COPS2: variants seen among roughly 807,000 people sequenced by gnomAD.
COPS2 encodes the protein COP9 signalosome subunit 2.
A neutral mutation model predicts 66.1 loss-of-function variants in COPS2; 10 were observed. That is an observed-to-expected ratio of 0.15 (90% confidence interval 0.09 to 0.26). COPS2 has a LOEUF of 0.26. COPS2 is among the 10% of genes least tolerant of loss of function. The probability of loss-of-function intolerance (pLI) is 1.00; values close to 1 mark genes in which losing one functional copy is unlikely to be tolerated. For missense variants in COPS2, 215 were observed against 513.3 expected, an observed-to-expected ratio of 0.42 and a Z score of 5.62; for synonymous variants, 179 against 171.3, an observed-to-expected ratio of 1.04 and a Z score of -0.35.
intron 6 of COPS2, among the ~76,000 whole-genome samples, chr15:49,136,579 C>T (rs867054253): frequency 6.6e-6 from 1 of 152,094 alleles, no homozygotes; most frequent in East Asian, 1.9e-4. Context: ...CTTTATTACA[C>T]GTTTGTAATA....
rs201706108 is a variant in COPS2, at chr15:49,155,484, G to A, written c.54+41C>T. 1.9e-6 allele frequency: 3 copies of A among 1,606,004 alleles called. No individual in the cohort carries two copies. In the South Asian group the frequency reaches 3.3e-5, roughly 18 times the overall value. On this transcript the variant is annotated intron_variant, in intron 1 of 12. Transcript: ENST00000388901. ...GCCCCGGCCCGGACCCCGAAAACAA[G>A]ACACATCACCACCCTCAGAGTTCCA...
At position 49,129,537 on chromosome 15, in the gene COPS2, T is replaced by G. The variant is rs566731732; in HGVS notation, c.1068A>C (p.Thr356=). The change falls in exon 11 of 13, where the codon ACA becomes ACC. Residue 356 remains threonine, a synonymous_variant. Coordinates refer to ENST00000388901, the MANE Select transcript of COPS2 (RefSeq NM_004236.4). ...HIEELLRNIR[T]QVLIKLIKPY... The stretch of plus-strand genomic sequence containing the variant: ...GCTTAATTAATTTTATAAGCACTTG[T>G]GTTCTGATGTTTCGCAAAAGCTCTG... The G allele has an allele frequency of 6.6e-6, 10 of 1,510,158 alleles. No individual in the cohort carries two copies. The East Asian group carries it at 2.2e-4, about 34-fold the overall frequency. 93.5% of individuals were successfully genotyped at this position (1,510,158 alleles called of 1,614,324 possible).
chr15:49,148,966 A>G (rs1021848519), intron 1 of COPS2, among the ~76,000 whole-genome samples: 2 of 152,210 alleles, frequency 1.3e-5, no homozygotes, highest in East Asian at 1.9e-4. Flanking sequence ...GTTACGTCAA[A>G]TGAAAAAGAG....
intron 9 of COPS2, among the ~76,000 whole-genome samples, chr15:49,132,571 CAAA>C (rs748471326): frequency 4.5e-4 from 27 of 59,890 alleles, no homozygotes; most frequent in Middle Eastern, 0.01. Flanking sequence ...CATATATCTG[CAAA>C]AAAAAAAAAA....
chr15:49,124,494 A>T lies in COPS2; in HGVS notation c.*3456T>A, dbSNP rs2084149481. On this transcript the variant is annotated 3_prime_UTR_variant, in exon 13 of 13. Coordinates refer to ENST00000388901, the MANE Select transcript of COPS2 (RefSeq NM_004236.4). Reference sequence around the variant, plus strand: ...CTAAAAGAAAACCTCCAGAAAAAGAAAAAAAGAGGAAAATTTTAATTGTGG... The same window carrying T: ...CTAAAAGAAAACCTCCAGAAAAAGATAAAAAGAGGAAAATTTTAATTGTGG... The T allele has an allele frequency of 6.6e-6, 1 of 152,172 alleles. No homozygotes were observed. The highest frequency in any genetic ancestry group is 1.5e-5 in the Non-Finnish European group (1 of 68,026). The allele number at this position is 152,172 out of a possible 1,614,324, so 9.4% of individuals were successfully genotyped here. A position where few individuals can be genotyped will look rare whatever the true frequency, so the allele number is the denominator to read the frequency against.
Position 49,129,508 on chromosome 15 carries a change from TA to T in COPS2, c.1096del (p.Tyr366ThrfsTer13). On this transcript the variant is annotated frameshift_variant, in exon 11 of 13. Coordinates refer to ENST00000388901, the MANE Select transcript of COPS2 (RefSeq NM_004236.4). LOFTEE classifies it high-confidence loss of function. ...AATAAAAGGAATATGTATTCTTGTG[TA>T]AGGCTTAATTAATTTTATAAGCACT... Reference protein sequence around the residue: ...TQVLIKLIKPYTRIHIPFISK... With the variant: ...TQVLIKLIKPXTRIHIPFISK... The T allele has an allele frequency of 6.7e-7, 1 of 1,501,308 alleles. No homozygotes were observed. Among genetic ancestry groups the T allele is most frequent in the Non-Finnish European group, 9.0e-7 (1 of 1,116,532 alleles). The allele number at this position is 1,501,308 out of a possible 1,614,324, so 93.0% of individuals were successfully genotyped here. A position where few individuals can be genotyped will look rare whatever the true frequency, so the allele number is the denominator to read the frequency against.
intron 2 of COPS2, 78 bp from the exon 3 acceptor site, chr15:49,144,382 G>A: frequency 1.2e-6 from 1 of 819,876 alleles, no homozygotes; most frequent in Non-Finnish European, 2.1e-6. Flanking sequence ...TGTAAGTATT[G>A]AATTAATTTT....
chr15:49,137,678 T>C (rs1292491289), intron 4 of COPS2: 5 of 424,868 alleles, frequency 1.2e-5, no homozygotes, highest in South Asian at 7.4e-5. Context: ...CATATAAACA[T>C]AGTGCTGTAA....
chr15:49,129,586 T>C, intron 10 of COPS2, 27 bp from the exon 11 acceptor site: 1 of 1,241,944 alleles, frequency 8.1e-7, no homozygotes, highest in Non-Finnish European at 1.1e-6. Flanking sequence ...TAAAATAACA[T>C]TTTATTTAAC....
chr15:49,138,500 T>C (rs2084268907), intron 4 of COPS2, among the ~76,000 whole-genome samples: 1 of 152,200 alleles, frequency 6.6e-6, no homozygotes, highest in South Asian at 2.1e-4. Flanking sequence ...ATTACTGGCA[T>C]AATATTTATA....
At chr15:49,150,686 T>C (rs908143759) in intron 1 of COPS2, among the ~76,000 whole-genome samples, 1 of 152,122 alleles carries the variant, frequency 6.6e-6, no homozygotes, top group African/African-American at 2.4e-5. Flanking sequence ...ATGTTCTCTG[T>C]TATAAGTGGG....
At chr15:49,129,786 C>CT (rs1038209418) in intron 10 of COPS2, among the ~76,000 whole-genome samples, 46 of 152,206 alleles carry the variant, frequency 3.0e-4, no homozygotes, top group African/African-American at 1.1e-3. Context: ...GACATTGAGA[C>CT]TCTACTAAAA....
At chr15:49,139,462 G>A (rs2141128153) in intron 4 of COPS2, 66 bp downstream of exon 4, 1 of 1,311,472 alleles carries the variant, frequency 7.6e-7, no homozygotes, top group Middle Eastern at 2.3e-4. Flanking sequence ...CATCTATAAA[G>A]AACAAAGCCC....
At position 49,122,933 on chromosome 15, in the gene COPS2, C is replaced by T. The variant is rs932503446; in HGVS notation, c.*5017G>A. On this transcript the variant is annotated 3_prime_UTR_variant, in exon 13 of 13. Transcript: ENST00000388901. ...CTACTTCCTTCCCACCTAGTGTTAG[C>T]TCAAGGAATTTGATACCTTTTATAT... is the stretch of plus-strand genomic sequence containing the variant. 6.6e-6 allele frequency: 1 copy of T among 152,164 alleles called. No individual in the cohort carries two copies. Among genetic ancestry groups the T allele is most frequent in the African/African-American group, 2.4e-5 (1 of 41,422 alleles). 9.4% of individuals were successfully genotyped at this position (152,164 alleles called of 1,614,324 possible).
rs2084187218 is a variant in COPS2, at chr15:49,128,740, A to T, written c.1149T>A (p.Ala383=). Residue 383 remains alanine, a synonymous_variant, in exon 12 of 13, where the codon GCT becomes GCA. Transcript: ENST00000388901. The stretch of plus-strand genomic sequence containing the variant: ...ACTGCACCAGCAAGCTCTCCACATC[A>T]GCTACATCTATGTTTAACTCCTAAG... The part of the protein sequence containing the change: ...FISKELNIDV[A]DVESLLVQCI... 8 of 1,608,672 alleles carry T rather than the reference A, an allele frequency of 5.0e-6. No homozygotes were observed. In the African/African-American group the frequency reaches 6.7e-5, roughly 13 times the overall value.
chr15:49,155,493 C>T (rs1595831342), intron 1 of COPS2, 32 bp downstream of exon 1: 1 of 1,611,618 alleles, frequency 6.2e-7, no homozygotes, highest in Non-Finnish European at 8.5e-7. Flanking sequence ...AGACACATCA[C>T]CACCCTCAGA....
rs2084177789 is a variant in COPS2, at chr15:49,127,654, C to T, written c.*296G>A. The T allele has an allele frequency of 4.0e-6, 1 of 250,848 alleles. No homozygotes were observed. Among genetic ancestry groups the T allele is most frequent in the Non-Finnish European group, 7.6e-6 (1 of 132,108 alleles). 15.5% of individuals were successfully genotyped at this position (250,848 alleles called of 1,614,324 possible). A position where few individuals can be genotyped will look rare whatever the true frequency, so the allele number is the denominator to read the frequency against. The stretch of plus-strand genomic sequence containing the variant: ...GTGTATTTAAAATCATGACAAAAAT[C>T]TTCTCTCTGGTCATGTTGCCCATGA... On this transcript the variant is annotated 3_prime_UTR_variant, in exon 13 of 13. Coordinates refer to ENST00000388901, the MANE Select transcript of COPS2 (RefSeq NM_004236.4).
intron 4 of COPS2, chr15:49,139,261 G>A (rs1238137354): frequency 3.1e-6 from 1 of 321,824 alleles, no homozygotes; most frequent in Non-Finnish European, 5.7e-6. Context: ...CAACTGTATA[G>A]GAGTCTAACA....
Position 49,131,032 on chromosome 15 carries a change from TTAAA to T in COPS2, c.948-220_948-217del, listed in dbSNP as rs1271189404. 2.6e-5 allele frequency among the ~76,000 whole-genome samples: 4 copies of T among 152,152 alleles called. No homozygotes were observed. The East Asian group carries it at 7.7e-4, about 29-fold the overall frequency. ...TGCTTTTGGTTTTTTAAAAGAAAGA[TTAAA>T]TAAATCTTCTTTTGGGGTTATATAC... On this transcript the variant is annotated intron_variant, in intron 9 of 12. Transcript: ENST00000388901.
Sources: allele counts gnomAD v4.1 joint callset (sites outside exome capture counted in the v4.1 genomes callset), GRCh38; gene constraint gnomAD v4.1.1; transcripts MANE v1.5; gene names NCBI Gene and HGNC (gene_info 2026-07-23, HGNC 2026-07-21).